DPP10: variants seen among roughly 807,000 people sequenced by gnomAD.
DPP10 encodes dipeptidyl peptidase like 10, also known as inactive dipeptidyl peptidase 10.
Under a neutral mutation model 120.9 loss-of-function variants are expected in DPP10, and 33 were observed. The observed-to-expected ratio is 0.27, with a 90% CI of 0.21 to 0.37. DPP10 has a LOEUF of 0.37. DPP10 is among the 10% of genes least tolerant of loss of function. DPP10 has a pLI of 1.00. For synonymous variants in DPP10, 337 were observed against 326.1 expected, an observed-to-expected ratio of 1.03 and a Z score of -0.36; for missense variants, 816 against 942.8, an observed-to-expected ratio of 0.87 and a Z score of 1.76.
At chr2:115,149,420 T>C (rs903135883) in intron 1 of DPP10, among the ~76,000 whole-genome samples, 1 of 152,248 alleles carries the variant, frequency 6.6e-6, no homozygotes, top group African/African-American at 2.4e-5. Flanking sequence ...GGTTTTGTGA[T>C]AATAAATTGG....
At chr2:115,018,641 C>T (rs1485175248) in intron 1 of DPP10, among the ~76,000 whole-genome samples, 1 of 152,080 alleles carries the variant, frequency 6.6e-6, no homozygotes, top group East Asian at 1.9e-4. Context: ...TGTTCTCACT[C>T]ATAAGTAGGA....
chr2:115,660,205 A>G (rs1050491959), intron 5 of DPP10, among the ~76,000 whole-genome samples: 1 of 152,200 alleles, frequency 6.6e-6, no homozygotes, highest in Non-Finnish European at 1.5e-5. Context: ...GCCACATTAC[A>G]GATCTATTGA....
intron 1 of DPP10, among the ~76,000 whole-genome samples, chr2:114,880,329 A>G (rs17732349): frequency 0.18 from 27,032 of 152,132 alleles, 3,000 homozygotes; most frequent in East Asian, 0.25. Flanking sequence ...CAGTAATCAC[A>G]TTTTTATTCT....
At chr2:114,956,986 CAAAAA>C (rs764400761) in intron 1 of DPP10, among the ~76,000 whole-genome samples, 1 of 106,974 alleles carries the variant, frequency 9.3e-6, no homozygotes, top group Non-Finnish European at 1.9e-5. Flanking sequence ...TAAAACTATT[CAAAAA>C]AAAAAAAAAA....
At chr2:114,579,082 A>T (rs757553069) in intron 1 of DPP10, among the ~76,000 whole-genome samples, 1 of 152,164 alleles carries the variant, frequency 6.6e-6, no homozygotes, top group African/African-American at 2.4e-5. Context: ...AGCACCCATC[A>T]TTTATCTTGT....
At chr2:114,913,877 A>G (rs1293723465) in intron 1 of DPP10, among the ~76,000 whole-genome samples, 1 of 152,336 alleles carries the variant, frequency 6.6e-6, no homozygotes, top group East Asian at 1.9e-4. Context: ...ATTTTAAGAA[A>G]GAACTGAATT....
intron 1 of DPP10, among the ~76,000 whole-genome samples, chr2:114,671,416 G>C (rs151087660): frequency 2.6e-5 from 4 of 152,212 alleles, no homozygotes; most frequent in Non-Finnish European, 5.9e-5. Context: ...TTGGAGGTGA[G>C]GCCAGTGAGA....
chr2:115,149,706 GTTTGT>G (rs1475966443), intron 1 of DPP10, among the ~76,000 whole-genome samples: 3 of 152,060 alleles, frequency 2.0e-5, no homozygotes, highest in Non-Finnish European at 4.4e-5. Context: ...TTGTTTGTTT[GTTTGT>G]TTTAACACCA....
chr2:114,452,517 G>A (rs1678344528), intron 1 of DPP10, among the ~76,000 whole-genome samples: 1 of 151,976 alleles, frequency 6.6e-6, no homozygotes, highest in Admixed American at 6.6e-5. Context: ...AGAAAGCCAA[G>A]GATTAGAAAG....
At chr2:115,261,682 C>G (rs1324954574) in intron 1 of DPP10, among the ~76,000 whole-genome samples, 3 of 152,190 alleles carry the variant, frequency 2.0e-5, no homozygotes, top group Non-Finnish European at 4.4e-5. Flanking sequence ...ATGTTGTTCT[C>G]TTGTACTACA....
chr2:115,455,112 A>T (rs997394580), intron 3 of DPP10, among the ~76,000 whole-genome samples: 7 of 151,816 alleles, frequency 4.6e-5, no homozygotes, highest in African/African-American at 7.2e-5. Flanking sequence ...AAAAAAGATT[A>T]AAAAATCTGT....
intron 1 of DPP10, among the ~76,000 whole-genome samples, chr2:114,631,248 G>T (rs1694900626): frequency 6.6e-6 from 1 of 152,014 alleles, no homozygotes. Context: ...TCATTTGCCA[G>T]CTCGCAAGTA....
At chr2:114,562,662 G>T (rs1558883537) in intron 1 of DPP10, among the ~76,000 whole-genome samples, 1 of 152,174 alleles carries the variant, frequency 6.6e-6, no homozygotes, top group African/African-American at 2.4e-5. Context: ...GCTATAGTTT[G>T]TGCATTGTGA....
chr2:115,461,816 C>T (rs1043245771), intron 3 of DPP10, among the ~76,000 whole-genome samples: 1 of 151,908 alleles, frequency 6.6e-6, no homozygotes, highest in African/African-American at 2.4e-5. Flanking sequence ...ATTATTTTCC[C>T]TTTGTTCCGA....
intron 1 of DPP10, among the ~76,000 whole-genome samples, chr2:114,693,982 G>T (rs1410312415): frequency 1.3e-5 from 2 of 151,878 alleles, no homozygotes; most frequent in African/African-American, 4.8e-5. Flanking sequence ...CCCAAGGAAA[G>T]CATATTCTAA....
At chr2:115,382,816 A>G (rs1481944189) in intron 3 of DPP10, among the ~76,000 whole-genome samples, 1 of 152,214 alleles carries the variant, frequency 6.6e-6, no homozygotes, top group African/African-American at 2.4e-5. Flanking sequence ...AAGTGATGGA[A>G]AAACTGAAGA....
chr2:115,386,393 C>G (rs2066932055), intron 3 of DPP10, among the ~76,000 whole-genome samples: 1 of 152,040 alleles, frequency 6.6e-6, no homozygotes, highest in Non-Finnish European at 1.5e-5. Flanking sequence ...TGTGAGAGCA[C>G]TCAGTGATGC....
chr2:115,522,643 T>C (rs1394326195), intron 4 of DPP10, among the ~76,000 whole-genome samples: 2 of 152,204 alleles, frequency 1.3e-5, no homozygotes, highest in Admixed American at 6.5e-5. Flanking sequence ...AGAATGTACA[T>C]AGATGGCAGG....
intron 1 of DPP10, among the ~76,000 whole-genome samples, chr2:115,034,692 G>A (rs572189680): frequency 1.3e-5 from 2 of 152,278 alleles, no homozygotes; most frequent in African/African-American, 4.8e-5. Context: ...CACTAAAATT[G>A]CCTTTACTAG....
Sources: allele counts gnomAD v4.1 joint callset (sites outside exome capture counted in the v4.1 genomes callset), GRCh38; gene constraint gnomAD v4.1.1; transcripts MANE v1.5; gene names NCBI Gene and HGNC (gene_info 2026-07-23, HGNC 2026-07-21).